CYB561: variants seen among roughly 807,000 people sequenced by gnomAD.
CYB561 encodes cytochrome b561, also known as transmembrane ascorbate-dependent reductase CYB561.
Under a neutral mutation model 25.3 loss-of-function variants are expected in CYB561, and 11 were observed. That is an observed-to-expected ratio of 0.44 (90% confidence interval 0.27 to 0.72). CYB561 has a LOEUF of 0.72. Ranked by LOEUF, CYB561 falls within the 30% of genes least tolerant of loss-of-function variation. The pLI, the probability that CYB561 is intolerant of heterozygous loss-of-function variation, is 0.18. For missense variants in CYB561, 295 were observed against 334.9 expected (o/e 0.88, Z 0.93); for synonymous variants, 165 against 158.8 (o/e 1.04, Z -0.29).
chr17:63,440,008 CAT>C (rs1445602628), intron 1 of CYB561, among the ~76,000 whole-genome samples: 1 of 152,182 alleles, frequency 6.6e-6, no homozygotes, highest in Non-Finnish European at 1.5e-5. Context: ...CTCCCAGAAA[CAT>C]AGCTCCAATC....
intron 1 of CYB561, chr17:63,438,179 A>G (rs1414966767): frequency 6.5e-7 from 1 of 1,535,176 alleles, no homozygotes; most frequent in Admixed American, 2.0e-5. Flanking sequence ...AGATACCCCA[A>G]ATTCTAGTGA....
chr17:63,442,425 C>G (rs2049383747), intron 1 of CYB561, among the ~76,000 whole-genome samples: 1 of 152,170 alleles, frequency 6.6e-6, no homozygotes, highest in African/African-American at 2.4e-5. Context: ...CCCTAGGAAG[C>G]AAGGCTTTGA....
In CYB561 at chr17:63,434,047, TGGCCTTGCCCCA is replaced by T. The variant is rs1326119849; in HGVS notation, c.*343_*354del. 1 of 261,524 alleles carries T rather than the reference TGGCCTTGCCCCA, an allele frequency of 3.8e-6. No homozygotes were observed. Among genetic ancestry groups the T allele is most frequent in the African/African-American group, 2.2e-5 (1 of 45,522 alleles). 16.2% of individuals were successfully genotyped at this position (261,524 alleles called of 1,614,324 possible). A position where few individuals can be genotyped will look rare whatever the true frequency, so the allele number is the denominator to read the frequency against. On this transcript the variant is annotated 3_prime_UTR_variant, in exon 6 of 6. Transcript: ENST00000360793. ...TCCCTGAGGCCCCCCCAGTTTCCCC[TGGCCTTGCCCCA>T]GGCATCTGCTGCCAGGAGGGTGGGG...
In CYB561 at chr17:63,435,213, G is replaced by A. The variant is rs1440681825; in HGVS notation, c.436C>T (p.Pro146Ser). The change falls in exon 5 of 6, where the codon CCC (proline) becomes TCC (serine). Residue 146 changes from proline (P) to serine (S), a missense_variant. Physicochemically the swap from Pro to Ser is moderately conservative, Grantham distance 74. Coordinates refer to ENST00000360793, the MANE Select transcript of CYB561 (RefSeq NM_001915.4). ...CTCCGCAGGGAGAATGAAGCTCCGG[G>A]GAACAGGAAGAAGCTGAAGCCCACC... Reference protein sequence around the residue: ...WLVGFSFFLFPGASFSLRSRY... With the variant: ...WLVGFSFFLFSGASFSLRSRY... 6.2e-7 allele frequency: 1 copy of A among 1,614,014 alleles called. No homozygotes were observed. Among genetic ancestry groups the A allele is most frequent in the Non-Finnish European group, 8.5e-7 (1 of 1,180,010 alleles).
At chr17:63,435,944 G>C in intron 3 of CYB561, 110 bp downstream of exon 3, 2 of 1,594,982 alleles carry the variant, frequency 1.3e-6, no homozygotes, top group Admixed American at 1.7e-5. Flanking sequence ...TGTTTGGGGT[G>C]GGGGCGGGCC....
chr17:63,438,362 G>C (rs1483658690), intron 1 of CYB561: 1 of 670,578 alleles, frequency 1.5e-6, no homozygotes, highest in Non-Finnish European at 2.5e-6. Context: ...GAAATGGGAA[G>C]TCTCCCTCCC....
intron 1 of CYB561, chr17:63,438,067 G>C (rs1323112305): frequency 7.0e-7 from 1 of 1,420,330 alleles, no homozygotes; most frequent in East Asian, 3.2e-5. Context: ...GAGGTCTCAA[G>C]TCTCGGGAGT....
intron 1 of CYB561, chr17:63,442,835 A>T (rs1568026028): frequency 6.6e-6 from 1 of 152,280 alleles, no homozygotes; most frequent in East Asian, 1.9e-4. Flanking sequence ...GCAGATCTTC[A>T]CTGAGCCAAG....
intron 1 of CYB561, among the ~76,000 whole-genome samples, chr17:63,444,226 G>A (rs2049402266): frequency 6.6e-6 from 1 of 152,180 alleles, no homozygotes. Context: ...ATGGAAGACG[G>A]GGCCCGTGAA....
intron 1 of CYB561, chr17:63,439,266 T>C (rs1256984577): frequency 6.6e-6 from 1 of 151,774 alleles, no homozygotes; most frequent in African/African-American, 2.4e-5. Context: ...CCGGGTGCGA[T>C]GGCTCACACC....
In CYB561 at chr17:63,434,552, G is replaced by A. The variant is rs772551964; in HGVS notation, c.606C>T (p.Asn202=). 71 of 1,612,808 alleles carry A rather than the reference G, an allele frequency of 4.4e-5. No individual in the cohort carries two copies. Among genetic ancestry groups the A allele is most frequent in the Non-Finnish European group, 5.6e-5 (66 of 1,179,972 alleles). Residue 202 remains asparagine (N), a synonymous_variant, in exon 6 of 6, where the codon AAC becomes AAT. Coordinates refer to ENST00000360793, the MANE Select transcript of CYB561 (RefSeq NM_001915.4). ...SAFEPEGVLA[N]VLGLLLACFG... is the part of the protein sequence containing the mutation. Reference sequence around the variant, plus strand: ...AGCAGGCCAGCAGCAGGCCCAGCACGTTGGCCAGGACACCCTCGGGCTCAA... The same window carrying A: ...AGCAGGCCAGCAGCAGGCCCAGCACATTGGCCAGGACACCCTCGGGCTCAA...
rs947950522 is a variant in CYB561 at position 63,433,239 on chromosome 17, T to G, written c.*1163A>C. On this transcript the variant is annotated 3_prime_UTR_variant, in exon 6 of 6. Transcript: ENST00000360793. ...TAGTAGAGACGGGGTTTCACTGTGTTTGTTAGTCAGGATGGTCTTGATCTC... is the reference window on the plus strand; with the variant it reads ...TAGTAGAGACGGGGTTTCACTGTGTGTGTTAGTCAGGATGGTCTTGATCTC... 3 of 395,590 alleles carry G rather than the reference T, an allele frequency of 7.6e-6. No individual in the cohort carries two copies. The highest frequency in any genetic ancestry group is 6.2e-5 in the African/African-American group (3 of 48,530). 24.5% of individuals were successfully genotyped at this position (395,590 alleles called of 1,614,324 possible). A position where few individuals can be genotyped will look rare whatever the true frequency, so the allele number is the denominator to read the frequency against.
chr17:63,446,419 C>G (rs1033422746), upstream of CYB561: 2 of 151,918 alleles, frequency 1.3e-5, no homozygotes. Context: ...CGTGCCAGGT[C>G]CCCGCGGTTG....
At chr17:63,438,262 G>C (rs935168703) in intron 1 of CYB561, 33 of 1,524,642 alleles carry the variant, frequency 2.2e-5, no homozygotes, top group Non-Finnish European at 1.8e-5. Context: ...GGCTTTACAG[G>C]TGAGTTACAC....
chr17:63,435,585 C>A, intron 4 of CYB561, 103 bp downstream of exon 4: 1 of 974,510 alleles, frequency 1.0e-6, no homozygotes. Context: ...TGCACACACC[C>A]CAGAAATCAG....
At chr17:63,440,269 C>A in intron 1 of CYB561, 1 of 398,784 alleles carries the variant, frequency 2.5e-6, no homozygotes, top group Non-Finnish European at 4.4e-6. Flanking sequence ...TTCTCTCATG[C>A]CCTCCCCACT....
Position 63,436,072 on chromosome 17 carries a change from G to C in CYB561, c.283C>G (p.Leu95Val). Residue 95 changes from leucine (L) to valine (V), a missense_variant, in exon 3 of 6, where the codon CTC (leucine) becomes GTC (valine). By Grantham distance (32) the Leu-to-Val change is conservative. Coordinates refer to ENST00000360793, the MANE Select transcript of CYB561 (RefSeq NM_001915.4). The surrounding 1 kb of genome is among the most constrained non-coding windows in gnomAD (Gnocchi z 4.8). ...VLHGLLHIFA[L>V]VIALVGLVAV... Reference sequence around the variant, plus strand: ...AACTCACCAACCAGGGCGATGACGAGCGCAAAGATGTGCAGCAGCCCGTGC... The same window carrying C: ...AACTCACCAACCAGGGCGATGACGACCGCAAAGATGTGCAGCAGCCCGTGC... 1 of 1,614,226 alleles carries C rather than the reference G, an allele frequency of 6.2e-7. No individual in the cohort carries two copies. Among genetic ancestry groups the C allele is most frequent in the South Asian group, 1.1e-5 (1 of 91,088 alleles).
In CYB561 at chr17:63,433,873, T is replaced by C. The variant is rs2049261898; in HGVS notation, c.*529A>G. 2 of 169,934 alleles carry C rather than the reference T, an allele frequency of 1.2e-5. No individual in the cohort carries two copies. Among genetic ancestry groups the C allele is most frequent in the African/African-American group, 4.7e-5 (2 of 42,184 alleles). The allele number at this position is 169,934 out of a possible 1,614,324, so 10.5% of individuals were successfully genotyped here. ...CCAGGGGCCAGTCCCTCCCCTCTCC[T>C]GGGGAACCTTGCTTTCACCACCAAC... On this transcript the variant is annotated 3_prime_UTR_variant, in exon 6 of 6. Coordinates refer to ENST00000360793, the MANE Select transcript of CYB561 (RefSeq NM_001915.4).
intron 1 of CYB561, chr17:63,437,769 A>C: frequency 2.8e-6 from 1 of 358,166 alleles, no homozygotes; most frequent in Non-Finnish European, 5.0e-6. Flanking sequence ...CCCCTGCTAG[A>C]TGCGCGCAAC....
Sources: gnomAD v4.1 joint callset for allele counts (sites outside exome capture counted in the v4.1 genomes callset) on GRCh38, gnomAD v4.1.1 for gene constraint, Gnocchi (gnomAD v3.1) non-coding constraint, MANE v1.5 for transcripts, NCBI Gene and HGNC (gene_info 2026-07-23, HGNC 2026-07-21) for gene names.